AKNA: variants seen among roughly 807,000 people sequenced by gnomAD.
AKNA encodes AT-hook transcription factor.
A neutral mutation model predicts 138.8 loss-of-function variants in AKNA; 67 were observed. The observed-to-expected ratio is 0.48, with a 90% CI of 0.40 to 0.59. AKNA has a LOEUF of 0.59. Among genes scored for constraint, AKNA ranks in the 20% least tolerant of loss-of-function variants. The pLI is 0.00. For missense variants in AKNA, 1,813 were observed against 1,880.4 expected (o/e 0.96, Z 0.66); for synonymous variants, 737 against 754.4 (o/e 0.98, Z 0.38).
chr9:114,360,175 G>A, intron 9 of AKNA, 113 bp from the exon 10 acceptor site: 1 of 1,297,312 alleles, frequency 7.7e-7, no homozygotes, highest in Non-Finnish European at 1.1e-6. Flanking sequence ...AAGCACATTA[G>A]ACTCACTAAG....
chr9:114,354,229 T>TA (rs1298341760), intron 14 of AKNA, among the ~76,000 whole-genome samples: 1 of 152,122 alleles, frequency 6.6e-6, no homozygotes. Flanking sequence ...TGTTAGAAAC[T>TA]AAGACAAACA....
At chr9:114,353,385 T>C (rs1831269904) in intron 14 of AKNA, among the ~76,000 whole-genome samples, 1 of 152,138 alleles carries the variant, frequency 6.6e-6, no homozygotes, top group Non-Finnish European at 1.5e-5. Flanking sequence ...TGCCTCAGCC[T>C]CCTGAGTAGC....
intron 4 of AKNA, among the ~76,000 whole-genome samples, chr9:114,372,263 C>G (rs55819665): frequency 6.6e-6 from 1 of 152,030 alleles, no homozygotes; most frequent in South Asian, 2.1e-4. Flanking sequence ...CCATTTCTGG[C>G]CTCTCCTGTG....
At position 114,374,102 on chromosome 9, in the gene AKNA, G is replaced by A. The variant is rs770207208; in HGVS notation, c.1407C>T (p.Leu469=). The change falls in exon 4 of 22, where the codon CTC becomes CTT. Residue 469 remains leucine (L), a synonymous_variant. Transcript: ENST00000374088. The part of the protein sequence containing the change: ...EAENTIDQLR[L]GAKVNLFSDP... Reference sequence around the variant, plus strand: ...CATCCCGGCCTGGTACCTTGGCCCCGAGGCGTAGCTGGTCAATGGTGTTCT... The same window carrying A: ...CATCCCGGCCTGGTACCTTGGCCCCAAGGCGTAGCTGGTCAATGGTGTTCT... The A allele has an allele frequency of 1.5e-5, 24 of 1,556,432 alleles. No homozygotes were observed. Among genetic ancestry groups the A allele is most frequent in the South Asian group, 1.1e-4 (9 of 84,394 alleles).
chr9:114,345,661 C>CTGAATGAATGAA (rs201959374), intron 18 of AKNA: 7,954 of 545,376 alleles, frequency 0.015, 581 homozygotes, highest in African/African-American at 0.15. Context: ...AAAGTGTTTG[C>CTGAATGAATGAA]TGAATGAATG....
At position 114,367,589 on chromosome 9, in the gene AKNA, T is replaced by C; in HGVS notation, c.1682A>G (p.Glu561Gly). The change falls in exon 6 of 22, where the codon GAG becomes GGG. Residue 561 changes from glutamate to glycine, a missense_variant. Transcript: ENST00000374088. ...RDISEDQSSA[E>G]QTQALASQAS... ...CTGAGAAGCCAGTGCCTGGGTCTGC[T>C]CTGCTGAGGACTGGTCCTCAGAGAT... The C allele has an allele frequency of 1.2e-6, 2 of 1,613,754 alleles. No homozygotes were observed. The highest frequency in any genetic ancestry group is 1.7e-6 in the Non-Finnish European group (2 of 1,179,882).
chr9:114,332,691 A>G (rs1588926581), downstream of AKNA, among the ~76,000 whole-genome samples: 1 of 151,930 alleles, frequency 6.6e-6, no homozygotes, highest in South Asian at 2.1e-4. Flanking sequence ...ACAGCCTGGC[A>G]CCTCCACTGT....
At chr9:114,352,746 C>G (rs1368138845) in intron 14 of AKNA, among the ~76,000 whole-genome samples, 1 of 152,008 alleles carries the variant, frequency 6.6e-6, no homozygotes, top group African/African-American at 2.4e-5. Flanking sequence ...CATGGTGAAA[C>G]CCCATATCCA....
rs866011768 is a variant in AKNA at position 114,367,683 on chromosome 9, G to T, written c.1588C>A (p.Arg530=). 1.9e-6 allele frequency: 3 copies of T among 1,574,842 alleles called. No individual in the cohort carries two copies. The South Asian group carries it at 3.4e-5, about 18-fold the overall frequency. The stretch of plus-strand genomic sequence containing the variant: ...AGCGAGGAGGGGCTCAAGTCTCCTC[G>T]AGCTGATGGCCACCCTGGAATACAC... ...ASAASGWPSA[R]GDLSPSSLTS... Residue 530 remains arginine, a synonymous_variant, in exon 6 of 22, where the codon CGA becomes AGA. Transcript: ENST00000374088.
intron 9 of AKNA, among the ~76,000 whole-genome samples, chr9:114,361,493 G>A (rs986978731): frequency 6.6e-6 from 1 of 151,696 alleles, no homozygotes; most frequent in South Asian, 2.1e-4. Context: ...GAAGGTAGAC[G>A]CCACCTTCCC....
At position 114,341,720 on chromosome 9, in the gene AKNA, C is replaced by G. The variant is rs1056302562; in HGVS notation, c.3880G>C (p.Glu1294Gln). The G allele has an allele frequency of 1.7e-5, 26 of 1,566,644 alleles. No individual in the cohort carries two copies. The highest frequency in any genetic ancestry group is 2.2e-5 in the Non-Finnish European group (25 of 1,159,916). The change falls in exon 21 of 22, where the codon GAG becomes CAG. Residue 1294 changes from glutamate to glutamine, a missense_variant. Physicochemically the swap from Glu to Gln is conservative, Grantham distance 29. Coordinates refer to ENST00000374088, the MANE Select transcript of AKNA (RefSeq NM_001317950.2). ...GCTTTTCTCCTCGTGGTGGCCTTCTCTGCCCCTATCAGGGAGGGAACAGCA... is the reference window on the plus strand; with the variant it reads ...GCTTTTCTCCTCGTGGTGGCCTTCTGTGCCCCTATCAGGGAGGGAACAGCA... ...DGPGSATSGA[E>Q]KATTRRKASS... is the part of the protein sequence containing the mutation.
At chr9:114,356,199 C>T in intron 13 of AKNA, 63 bp from the exon 14 acceptor site, 1 of 1,491,240 alleles carries the variant, frequency 6.7e-7, no homozygotes, top group African/African-American at 1.4e-5. Context: ...CAGGCGGCAG[C>T]ATCTGAGCCC....
At chr9:114,350,729 G>C in intron 15 of AKNA, 130 bp downstream of exon 15, 1 of 1,045,096 alleles carries the variant, frequency 9.6e-7, no homozygotes, top group Admixed American at 2.6e-5. Context: ...AGGACACCTG[G>C]GTCCGTCTGC....
rs752463154 is a variant in AKNA at position 114,346,822 on chromosome 9, G to A, written c.3399-38C>T. ...AAGAGAGATGATGTCATTGGATGAG[G>A]TTTTGTGTGGCCTTTAAAGGTTATT... is the stretch of plus-strand genomic sequence containing the variant. On this transcript the variant is annotated intron_variant, in intron 16 of 21. Transcript: ENST00000374088. The A allele has an allele frequency of 1.9e-6, 3 of 1,559,000 alleles. No homozygotes were observed. The South Asian group carries it at 3.4e-5, about 18-fold the overall frequency.
chr9:114,378,643 G>A (rs544607548), intron 2 of AKNA, among the ~76,000 whole-genome samples: 1 of 152,234 alleles, frequency 6.6e-6, no homozygotes, highest in South Asian at 2.1e-4. Flanking sequence ...GATAGTTATT[G>A]TAATTATTAC....
chr9:114,331,346 A>T (rs1588925570), downstream of AKNA, among the ~76,000 whole-genome samples: 1 of 152,054 alleles, frequency 6.6e-6, no homozygotes, highest in Non-Finnish European at 1.5e-5. Context: ...AAAGGCCCTG[A>T]CAGCCACAGT....
chr9:114,330,763 T>C, downstream of AKNA: 1 of 1,611,484 alleles, frequency 6.2e-7, no homozygotes, highest in South Asian at 1.1e-5. Context: ...AACATTACTG[T>C]TTTTCTTCCG....
intron 6 of AKNA, among the ~76,000 whole-genome samples, chr9:114,366,002 G>C (rs2131964008): frequency 6.6e-6 from 1 of 152,334 alleles, no homozygotes; most frequent in Admixed American, 6.5e-5. Context: ...AATGGTGGTG[G>C]CAAAAGGAAA....
At position 114,336,971 on chromosome 9, in the gene AKNA, G is replaced by T; in HGVS notation, c.*83C>A. 1 of 1,425,278 alleles carries T rather than the reference G, an allele frequency of 7.0e-7. No individual in the cohort carries two copies. Among genetic ancestry groups the T allele is most frequent in the Non-Finnish European group, 9.2e-7 (1 of 1,083,554 alleles). 88.3% of individuals were successfully genotyped at this position (1,425,278 alleles called of 1,614,324 possible). ...GTGAGGAACTATGCGGGCCTTCTGG[G>T]CCTCAGCAGCTCCAGCCCACTCCTG... On this transcript the variant is annotated 3_prime_UTR_variant, in exon 22 of 22. Coordinates refer to ENST00000374088, the MANE Select transcript of AKNA (RefSeq NM_001317950.2).
Sources: allele counts gnomAD v4.1 joint callset (sites outside exome capture counted in the v4.1 genomes callset), GRCh38; gene constraint gnomAD v4.1.1; transcripts MANE v1.5; gene names NCBI Gene and HGNC (gene_info 2026-07-23, HGNC 2026-07-21).